Variants in CBLB observed in about 807,000 individuals in gnomAD.
CBLB encodes Cbl proto-oncogene B, also known as E3 ubiquitin-protein ligase CBL-B.
Under a neutral mutation model 104.9 loss-of-function variants are expected in CBLB, and 31 were observed. The observed-to-expected ratio is 0.30, with a 90% CI of 0.22 to 0.40. The LOEUF (loss-of-function observed/expected upper bound fraction) is 0.40. Among genes scored for constraint, CBLB ranks in the 10% least tolerant of loss-of-function variants. CBLB has a pLI of 1.00. For missense variants in CBLB, 1,062 were observed against 1,214.6 expected, an observed-to-expected ratio of 0.87 and a Z score of 1.87; for synonymous variants, 440 against 422.6, an observed-to-expected ratio of 1.04 and a Z score of -0.51.
At chr3:105,702,692 T>C (rs1160151272) in intron 11 of CBLB, among the ~76,000 whole-genome samples, 1 of 151,938 alleles carries the variant, frequency 6.6e-6, no homozygotes, top group East Asian at 1.9e-4. Flanking sequence ...TAGAAATGAG[T>C]ACATAAATCC....
At chr3:105,756,665 A>G (rs2077108882) in intron 4 of CBLB, among the ~76,000 whole-genome samples, 1 of 152,220 alleles carries the variant, frequency 6.6e-6, no homozygotes, top group Non-Finnish European at 1.5e-5. Context: ...AATCTTCACT[A>G]GGAACATTAA....
chr3:105,750,807 A>G (rs77728781), intron 5 of CBLB, among the ~76,000 whole-genome samples: 3,419 of 152,342 alleles, frequency 0.022, 91 homozygotes, highest in East Asian at 0.12. Context: ...TGTTCATCTT[A>G]AAGTTGTTTA....
intron 18 of CBLB, among the ~76,000 whole-genome samples, chr3:105,661,422 C>A (rs914027808): frequency 9.2e-5 from 14 of 152,108 alleles, no homozygotes; most frequent in African/African-American, 3.4e-4. Flanking sequence ...TTATTGAAAG[C>A]TTTCCTTTAA....
At position 105,746,082 on chromosome 3, in the gene CBLB, T is replaced by C. The variant is rs766641593; in HGVS notation, c.724-44A>G. The C allele has an allele frequency of 3.0e-6, 4 of 1,313,204 alleles. No individual in the cohort carries two copies. In the South Asian group the frequency reaches 3.6e-5, roughly 12 times the overall value. 81.3% of individuals were successfully genotyped at this position (1,313,204 alleles called of 1,614,324 possible). A position where few individuals can be genotyped will look rare whatever the true frequency, so the allele number is the denominator to read the frequency against. The stretch of plus-strand genomic sequence containing the variant: ...AAAAGAGATTAGTATCTAGAGAATA[T>C]CAAATATTTTGATTACATACTGAAC... On this transcript the variant is annotated intron_variant, in intron 5 of 18. Transcript: ENST00000394030.
At chr3:105,809,375 C>A (rs2083952389) in intron 3 of CBLB, among the ~76,000 whole-genome samples, 1 of 152,176 alleles carries the variant, frequency 6.6e-6, no homozygotes, top group Non-Finnish European at 1.5e-5. Flanking sequence ...TATCAACAGT[C>A]ATTTAACTCC....
chr3:105,830,178 G>A (rs943709829), intron 3 of CBLB, among the ~76,000 whole-genome samples: 5 of 152,052 alleles, frequency 3.3e-5, no homozygotes, highest in East Asian at 1.9e-4. Flanking sequence ...CCAGGGTATC[G>A]TTACCTTACA....
chr3:105,735,259 T>C (rs910829617), intron 8 of CBLB, among the ~76,000 whole-genome samples: 6 of 152,098 alleles, frequency 3.9e-5, no homozygotes, highest in Admixed American at 2.6e-4. Context: ...TTATGATGTG[T>C]GAATATACAA....
At chr3:105,717,494 T>C (rs1163821165) in intron 10 of CBLB, among the ~76,000 whole-genome samples, 1 of 152,202 alleles carries the variant, frequency 6.6e-6, no homozygotes, top group East Asian at 1.9e-4. Context: ...GGTACTTATA[T>C]AGGAATTTAA....
chr3:105,781,397 A>C (rs928209786), intron 3 of CBLB, among the ~76,000 whole-genome samples: 2 of 152,192 alleles, frequency 1.3e-5, no homozygotes, highest in Non-Finnish European at 2.9e-5. Context: ...GCACAAAGGA[A>C]GCATATAATG....
intron 3 of CBLB, among the ~76,000 whole-genome samples, chr3:105,806,251 A>G (rs777480687): frequency 2.0e-5 from 3 of 152,196 alleles, no homozygotes; most frequent in Non-Finnish European, 4.4e-5. Context: ...GTCATTACAT[A>G]TAGTATGTGT....
At chr3:105,773,566 G>A (rs754188107) in intron 4 of CBLB, among the ~76,000 whole-genome samples, 8 of 152,128 alleles carry the variant, frequency 5.3e-5, no homozygotes, top group Admixed American at 2.6e-4. Context: ...TAAGAAAAAT[G>A]ACTGTCACCC....
chr3:105,853,915 C>A (rs1366261629), intron 2 of CBLB, among the ~76,000 whole-genome samples: 2 of 152,088 alleles, frequency 1.3e-5, no homozygotes, highest in Non-Finnish European at 2.9e-5. Context: ...TTCTAAGATA[C>A]CTCATTGTGC....
intron 2 of CBLB, among the ~76,000 whole-genome samples, chr3:105,861,964 T>A (rs1314045066): frequency 2.0e-5 from 3 of 152,204 alleles, no homozygotes; most frequent in Non-Finnish European, 4.4e-5. Flanking sequence ...CTTAGTTTTA[T>A]CAGAACTTCA....
chr3:105,754,493 A>AAGAGAGAGAGAGAGAGAG lies in CBLB; in HGVS notation c.567-2893_567-2876dup, dbSNP rs1208848396. On this transcript the variant is annotated intron_variant, in intron 4 of 18. Transcript: ENST00000394030. ...CAGAGACCTGGGAAGAAGAAAAGGGAAGAGAGAGAGAGAGAGAGAGAGAGA... is the reference window on the plus strand; with the variant it reads ...CAGAGACCTGGGAAGAAGAAAAGGGAAGAGAGAGAGAGAGAGAGAGAGAGAGAGAGAGAGAGAGAGAGA... 1.4e-3 allele frequency among the ~76,000 whole-genome samples: 89 copies of AAGAGAGAGAGAGAGAGAG among 64,288 alleles called. 3 individuals are homozygous for AAGAGAGAGAGAGAGAGAG. The highest frequency in any genetic ancestry group is 3.7e-3 in the African/African-American group (66 of 18,082). 42.2% of individuals were successfully genotyped at this position (64,288 alleles called of 152,430 possible).
intron 3 of CBLB, among the ~76,000 whole-genome samples, chr3:105,792,084 A>C (rs2081721314): frequency 6.6e-6 from 1 of 152,178 alleles, no homozygotes; most frequent in South Asian, 2.1e-4. Flanking sequence ...GAGCTTGTTA[A>C]AAATGCAGAA....
intron 17 of CBLB, among the ~76,000 whole-genome samples, chr3:105,676,006 A>C (rs117035785): frequency 2.0e-5 from 3 of 150,626 alleles, no homozygotes; most frequent in Non-Finnish European, 4.4e-5. Context: ...TTTTTAAGAA[A>C]TACTTATTAT....
chr3:105,825,534 G>A (rs962215795), intron 3 of CBLB, among the ~76,000 whole-genome samples: 1 of 152,160 alleles, frequency 6.6e-6, no homozygotes, highest in African/African-American at 2.4e-5. Flanking sequence ...ATTGTCCTCT[G>A]TGACTACAGC....
intron 12 of CBLB, among the ~76,000 whole-genome samples, chr3:105,694,024 CG>C (rs1233366201): frequency 1.3e-5 from 2 of 151,750 alleles, no homozygotes; most frequent in African/African-American, 2.4e-5. Flanking sequence ...CCATGGTGAA[CG>C]GAACATTCTT....
intron 10 of CBLB, 91 bp downstream of exon 10, chr3:105,719,956 A>G: frequency 1.0e-6 from 1 of 1,001,146 alleles, no homozygotes. Flanking sequence ...TTCTAAACTC[A>G]AATACGCTGA....
Sources: gnomAD v4.1 joint callset for allele counts (sites outside exome capture counted in the v4.1 genomes callset) on GRCh38, gnomAD v4.1.1 for gene constraint, MANE v1.5 for transcripts, NCBI Gene and HGNC (gene_info 2026-07-23, HGNC 2026-07-21) for gene names.